Variants in SPOCK3 observed in about 807,000 individuals in gnomAD.
SPOCK3 encodes testican-3.
In SPOCK3, 30 loss-of-function variants were observed where a neutral mutation model predicts 56.6. The observed-to-expected ratio is 0.53, with a 90% CI of 0.40 to 0.72. The LOEUF (loss-of-function observed/expected upper bound fraction) is 0.72, where lower values mean the gene tolerates loss of function less well. Among genes scored for constraint, SPOCK3 ranks in the 30% least tolerant of loss-of-function variants. The pLI is 0.00. For missense variants in SPOCK3, 527 were observed against 530.0 expected, an observed-to-expected ratio of 0.99 and a Z score of 0.06; for synonymous variants, 196 against 183.3, an observed-to-expected ratio of 1.07 and a Z score of -0.56.
At chr4:166,747,314 G>A (rs1343910120) in intron 8 of SPOCK3, among the ~76,000 whole-genome samples, 1 of 152,164 alleles carries the variant, frequency 6.6e-6, no homozygotes, top group African/African-American at 2.4e-5. Flanking sequence ...TCCCTGGGAT[G>A]CAAGTCTGGT....
At chr4:166,918,583 A>G (rs905816167) in intron 4 of SPOCK3, 2 of 152,226 alleles carry the variant, frequency 1.3e-5, no homozygotes, top group Admixed American at 6.5e-5. Flanking sequence ...TTATTCTGCA[A>G]TATGAATAAC....
At chr4:166,959,014 G>T (rs888405532) in intron 4 of SPOCK3, among the ~76,000 whole-genome samples, 2 of 152,084 alleles carry the variant, frequency 1.3e-5, no homozygotes, top group African/African-American at 4.8e-5. Context: ...ATGAAAACTA[G>T]TTACAAAAAG....
intron 5 of SPOCK3, 149 bp downstream of exon 5, chr4:166,912,471 A>T: frequency 1.2e-6 from 1 of 851,440 alleles, no homozygotes; most frequent in South Asian, 1.9e-5. Flanking sequence ...ATGCACATTG[A>T]ATCATATTCC....
intron 2 of SPOCK3, among the ~76,000 whole-genome samples, chr4:167,085,915 TTAA>T (rs779190256): frequency 6.6e-6 from 1 of 152,064 alleles, no homozygotes; most frequent in African/African-American, 2.4e-5. Context: ...TTATGGGTAC[TTAA>T]TAATAAACAT....
At chr4:166,971,939 C>T (rs1050723961) in intron 4 of SPOCK3, among the ~76,000 whole-genome samples, 5 of 152,112 alleles carry the variant, frequency 3.3e-5, no homozygotes, top group Admixed American at 2.0e-4. Context: ...GTACAGTGTA[C>T]TTTTGCTTTG....
chr4:167,198,036 T>C (rs1393336181), intron 2 of SPOCK3, among the ~76,000 whole-genome samples: 2 of 152,110 alleles, frequency 1.3e-5, no homozygotes, highest in Non-Finnish European at 1.5e-5. Flanking sequence ...TCCATCTTTA[T>C]GATATATAAA....
chr4:167,061,662 T>C (rs1344945400), intron 3 of SPOCK3, among the ~76,000 whole-genome samples: 3 of 151,958 alleles, frequency 2.0e-5, no homozygotes, highest in African/African-American at 7.2e-5. Flanking sequence ...CTTCATCATC[T>C]AATCACTTAC....
chr4:167,035,424 A>T (rs1043947247), intron 3 of SPOCK3, among the ~76,000 whole-genome samples: 2 of 152,218 alleles, frequency 1.3e-5, no homozygotes, highest in African/African-American at 4.8e-5. Context: ...GAAAAAAAAA[A>T]GTATCCTAGG....
intron 6 of SPOCK3, among the ~76,000 whole-genome samples, chr4:166,845,878 C>G (rs191148495): frequency 6.6e-6 from 1 of 152,110 alleles, no homozygotes; most frequent in Admixed American, 6.6e-5. Context: ...TTGGTCCTTT[C>G]GTGAACATCA....
chr4:166,794,931 C>T (rs1223927703), intron 6 of SPOCK3, among the ~76,000 whole-genome samples: 4 of 152,160 alleles, frequency 2.6e-5, no homozygotes, highest in African/African-American at 9.7e-5. Flanking sequence ...GCGTGAGTCA[C>T]CGCGCCGGCC....
At chr4:166,745,933 C>A (rs942980524) in intron 8 of SPOCK3, among the ~76,000 whole-genome samples, 2 of 152,154 alleles carry the variant, frequency 1.3e-5, no homozygotes, top group Non-Finnish European at 2.9e-5. Context: ...ACAAGAAGAG[C>A]TAACTATCCT....
chr4:167,095,525 C>A (rs1255505529), intron 2 of SPOCK3, among the ~76,000 whole-genome samples: 1 of 151,754 alleles, frequency 6.6e-6, no homozygotes, highest in Non-Finnish European at 1.5e-5. Context: ...ATAAAATTAA[C>A]ACCTAAATGT....
chr4:166,880,470 G>T (rs1055326642), intron 6 of SPOCK3, among the ~76,000 whole-genome samples: 1 of 152,050 alleles, frequency 6.6e-6, no homozygotes, highest in African/African-American at 2.4e-5. Flanking sequence ...ATGATTTGAT[G>T]TATTACCTGT....
At chr4:167,083,195 G>C (rs1256971942) in intron 2 of SPOCK3, 3 of 764,930 alleles carry the variant, frequency 3.9e-6, no homozygotes, top group Non-Finnish European at 7.2e-6. Flanking sequence ...GCTAGTCATA[G>C]AATTGCCACA....
chr4:167,029,005 T>C (rs757837054), intron 3 of SPOCK3, among the ~76,000 whole-genome samples: 1 of 152,110 alleles, frequency 6.6e-6, no homozygotes, highest in East Asian at 1.9e-4. Flanking sequence ...GGTGGTTTCC[T>C]GCACAGATGA....
chr4:167,114,120 T>C (rs1300695148), intron 2 of SPOCK3, among the ~76,000 whole-genome samples: 3 of 152,216 alleles, frequency 2.0e-5, no homozygotes, highest in East Asian at 3.9e-4. Context: ...GACTAGCTTA[T>C]AGCAGACCAA....
chr4:166,928,471 T>C (rs1452367192), intron 4 of SPOCK3, among the ~76,000 whole-genome samples: 1 of 152,092 alleles, frequency 6.6e-6, no homozygotes, highest in Non-Finnish European at 1.5e-5. Flanking sequence ...CTATAAGAAA[T>C]GCTGGAAAAG....
At chr4:166,814,645 G>C (rs1328681673) in intron 6 of SPOCK3, among the ~76,000 whole-genome samples, 1 of 152,010 alleles carries the variant, frequency 6.6e-6, no homozygotes, top group Non-Finnish European at 1.5e-5. Context: ...TTTGTTGGGG[G>C]CTCTCAGGCC....
At chr4:166,927,584 G>A (rs562442890) in intron 4 of SPOCK3, among the ~76,000 whole-genome samples, 36 of 152,170 alleles carry the variant, frequency 2.4e-4, no homozygotes, top group African/African-American at 7.7e-4. Context: ...AACTCAAAAC[G>A]TATCACAGAC....
Sources: allele counts gnomAD v4.1 joint callset (sites outside exome capture counted in the v4.1 genomes callset), GRCh38; gene constraint gnomAD v4.1.1; transcripts MANE v1.5; gene names NCBI Gene and HGNC (gene_info 2026-07-23, HGNC 2026-07-21).